EPB41L4A: variants seen among roughly 807,000 people sequenced by gnomAD.
The protein encoded by EPB41L4A is erythrocyte membrane protein band 4.1 like 4A.
Under a neutral mutation model 108.6 loss-of-function variants are expected in EPB41L4A, and 100 were observed. The ratio of observed to expected loss-of-function variants is 0.92; its 90% CI spans 0.78 to 1.09. The LOEUF (loss-of-function observed/expected upper bound fraction) is 1.09, where lower values mean the gene tolerates loss of function less well. EPB41L4A is among the 50% of genes least tolerant of loss of function. EPB41L4A has a pLI of 0.00. For missense variants in EPB41L4A, 1,030 were observed against 842.7 expected (o/e 1.22, Z -2.75); for synonymous variants, 319 against 289.0 (o/e 1.10, Z -1.05).
intron 1 of EPB41L4A, among the ~76,000 whole-genome samples, chr5:112,404,158 ACTAT>A (rs757450547): frequency 1.3e-5 from 2 of 152,226 alleles, no homozygotes; most frequent in African/African-American, 4.8e-5. Context: ...AAGGCACAGC[ACTAT>A]CTAACTATAT....
At chr5:112,288,619 A>C (rs1433744515) in intron 2 of EPB41L4A, among the ~76,000 whole-genome samples, 1 of 152,152 alleles carries the variant, frequency 6.6e-6, no homozygotes, top group African/African-American at 2.4e-5. Flanking sequence ...TGGACTAGTA[A>C]TTGTTGTGTG....
chr5:112,322,026 A>G lies in EPB41L4A; in HGVS notation c.100-14536T>C, dbSNP rs533319086. ...ATTACATAAGTCATAATCAGATAAA[A>G]TAATAAAACCAGTAACAATAACATC... is the stretch of plus-strand genomic sequence containing the variant. On this transcript the variant is annotated intron_variant, in intron 1 of 22. Coordinates refer to ENST00000261486, the MANE Select transcript of EPB41L4A (RefSeq NM_022140.5). Among the ~76,000 whole-genome samples, 5 of 152,338 alleles carry G rather than the reference A, an allele frequency of 3.3e-5. No homozygotes were observed. In the South Asian group the frequency reaches 1.0e-3, roughly 32 times the overall value.
intron 2 of EPB41L4A, among the ~76,000 whole-genome samples, chr5:112,288,002 G>A (rs1047716091): frequency 1.2e-4 from 19 of 152,276 alleles, no homozygotes; most frequent in East Asian, 5.8e-4. Context: ...TAAAACTTTC[G>A]CATTCCTAGT....
intron 18 of EPB41L4A, chr5:112,175,313 T>C (rs1413801477): frequency 6.6e-6 from 1 of 152,228 alleles, no homozygotes; most frequent in Non-Finnish European, 1.5e-5. Flanking sequence ...ACAAAGCTTT[T>C]TTCCTAGTGA....
chr5:112,289,477 T>A (rs1753506581), intron 2 of EPB41L4A, among the ~76,000 whole-genome samples: 2 of 152,182 alleles, frequency 1.3e-5, no homozygotes, highest in Non-Finnish European at 2.9e-5. Context: ...TTGCCTGGAC[T>A]TTACTTTGAA....
intron 4 of EPB41L4A, 87 bp downstream of exon 4, chr5:112,275,239 C>T (rs920893958): frequency 4.2e-6 from 6 of 1,434,556 alleles, no homozygotes; most frequent in Middle Eastern, 1.8e-4. Context: ...CACATCCAAA[C>T]GTTTAGCCCA....
At chr5:112,323,705 A>C (rs1411879156) in intron 1 of EPB41L4A, among the ~76,000 whole-genome samples, 1 of 152,202 alleles carries the variant, frequency 6.6e-6, no homozygotes, top group Non-Finnish European at 1.5e-5. Context: ...TGAAATGGTC[A>C]GTGTAACAGT....
At chr5:112,397,475 CAT>C (rs532809898) in intron 1 of EPB41L4A, among the ~76,000 whole-genome samples, 48 of 152,034 alleles carry the variant, frequency 3.2e-4, no homozygotes, top group African/African-American at 1.1e-3. Flanking sequence ...ATATCAAGTG[CAT>C]GTAAAGTGAG....
chr5:112,381,516 T>TGCAA (rs2112607711), intron 1 of EPB41L4A, among the ~76,000 whole-genome samples: 1 of 152,322 alleles, frequency 6.6e-6, no homozygotes, highest in African/African-American at 2.4e-5. Flanking sequence ...GGTTCTTGAT[T>TGCAA]GCAAGCTACA....
chr5:112,262,371 G>T, intron 7 of EPB41L4A, 123 bp downstream of exon 7: 1 of 763,976 alleles, frequency 1.3e-6, no homozygotes, highest in East Asian at 2.5e-5. Context: ...TAGAAAAACA[G>T]ATAAAAAAGT....
At chr5:112,348,708 C>G (rs1757845286) in intron 1 of EPB41L4A, among the ~76,000 whole-genome samples, 1 of 152,104 alleles carries the variant, frequency 6.6e-6, no homozygotes, top group Non-Finnish European at 1.5e-5. Context: ...CAGTAAACTC[C>G]CAAATATCTG....
At chr5:112,371,445 A>G (rs904108053) in intron 1 of EPB41L4A, among the ~76,000 whole-genome samples, 4 of 152,208 alleles carry the variant, frequency 2.6e-5, no homozygotes, top group African/African-American at 7.2e-5. Context: ...GCTGCAGTGC[A>G]GTACTTAAGA....
chr5:112,361,033 A>G (rs1393148403), intron 1 of EPB41L4A, among the ~76,000 whole-genome samples: 1 of 152,238 alleles, frequency 6.6e-6, no homozygotes, highest in Non-Finnish European at 1.5e-5. Flanking sequence ...CCAACAGCTC[A>G]TTGAGAACGG....
rs181376503 is a variant in EPB41L4A, at chr5:112,230,493, A to C, written c.1087+4141T>G. Among the ~76,000 whole-genome samples, 1,058 of 152,274 alleles carry C rather than the reference A, an allele frequency of 6.9e-3. 8 individuals are homozygous for C. The highest frequency in any genetic ancestry group is 0.014 in the Middle Eastern group (4 of 294). The stretch of plus-strand genomic sequence containing the variant: ...TCCCTGATCATTAGTGATGTTGAGC[A>C]TGTTTTCACATGTTTGTTGGCCATT... On this transcript the variant is annotated intron_variant, in intron 12 of 22. Coordinates refer to ENST00000261486, the MANE Select transcript of EPB41L4A (RefSeq NM_022140.5).
intron 1 of EPB41L4A, among the ~76,000 whole-genome samples, chr5:112,410,726 C>G (rs1309655362): frequency 4.6e-5 from 7 of 152,120 alleles, no homozygotes; most frequent in Non-Finnish European, 1.0e-4. Context: ...GATCCCATTG[C>G]CCTTATCGCC....
intron 12 of EPB41L4A, among the ~76,000 whole-genome samples, chr5:112,146,994 T>C (rs1759282723): frequency 6.6e-6 from 1 of 152,236 alleles, no homozygotes; most frequent in African/African-American, 2.4e-5. Flanking sequence ...GAAAATGTGG[T>C]GATTCTACTC....
intron 1 of EPB41L4A, among the ~76,000 whole-genome samples, chr5:112,371,012 G>A (rs762484956): frequency 4.6e-5 from 7 of 152,204 alleles, no homozygotes; most frequent in Admixed American, 1.3e-4. Context: ...TCACTCATTC[G>A]TGCAATACCT....
intron 1 of EPB41L4A, among the ~76,000 whole-genome samples, chr5:112,364,679 A>T (rs921342944): frequency 6.6e-6 from 1 of 152,238 alleles, no homozygotes; most frequent in African/African-American, 2.4e-5. Context: ...TTTCTTTAAA[A>T]GGCTTTCTCT....
chr5:112,327,557 A>T (rs902717601), intron 1 of EPB41L4A, among the ~76,000 whole-genome samples: 1 of 152,068 alleles, frequency 6.6e-6, no homozygotes, highest in Non-Finnish European at 1.5e-5. Context: ...CTCTACAAAA[A>T]ATTTAAAAAT....
Sources: allele counts gnomAD v4.1 joint callset (sites outside exome capture counted in the v4.1 genomes callset), GRCh38; gene constraint gnomAD v4.1.1; transcripts MANE v1.5; gene names NCBI Gene and HGNC (gene_info 2026-07-23, HGNC 2026-07-21).